Variants in CACNB4 observed in about 807,000 individuals in gnomAD.
The protein encoded by CACNB4 is voltage-dependent L-type calcium channel subunit beta-4.
Under a neutral mutation model 71.2 loss-of-function variants are expected in CACNB4, and 32 were observed. The observed-to-expected ratio is 0.45, with a 90% CI of 0.34 to 0.60. The LOEUF is 0.60. Ranked by LOEUF, CACNB4 falls within the 20% of genes least tolerant of loss-of-function variation. CACNB4 has a pLI of 0.01. For missense variants in CACNB4, 464 were observed against 647.9 expected (o/e 0.72, Z 3.08); for synonymous variants, 231 against 236.9 (o/e 0.97, Z 0.23).
At chr2:152,007,527 T>C (rs761647503) in intron 2 of CACNB4, among the ~76,000 whole-genome samples, 14 of 152,252 alleles carry the variant, frequency 9.2e-5, no homozygotes, top group Non-Finnish European at 1.5e-4. Flanking sequence ...GGTTCACCTA[T>C]GTTGCAGCAC....
At chr2:151,963,204 T>C (rs1307549455) in intron 2 of CACNB4, among the ~76,000 whole-genome samples, 4 of 147,894 alleles carry the variant, frequency 2.7e-5, no homozygotes, top group Non-Finnish European at 5.9e-5. Context: ...CCCAGCTACA[T>C]GGGAGGCTGA....
At chr2:151,992,221 T>C (rs965484094) in intron 2 of CACNB4, among the ~76,000 whole-genome samples, 1 of 152,200 alleles carries the variant, frequency 6.6e-6, no homozygotes. Context: ...CAGCTGCAGC[T>C]GAAGTCTACA....
In CACNB4 at chr2:151,910,601, T is replaced by C. The variant is rs141485303; in HGVS notation, c.148-27231A>G. 5.1e-3 allele frequency among the ~76,000 whole-genome samples: 782 copies of C among 152,306 alleles called. 6 individuals are homozygous for C. The highest frequency in any genetic ancestry group is 8.4e-3 in the Non-Finnish European group (574 of 68,014). ...TTGTTTTTGTCAGGTTTGTTGAAGA[T>C]CAGATGGTTGTAGATGTGTGGTGTT... On this transcript the variant is annotated intron_variant, in intron 2 of 13. Coordinates refer to ENST00000539935, the MANE Select transcript of CACNB4 (RefSeq NM_000726.5).
Position 151,898,811 on chromosome 2 carries a change from CA to C in CACNB4, c.148-15442del, listed in dbSNP as rs2099852697. 2.0e-5 allele frequency among the ~76,000 whole-genome samples: 3 copies of C among 152,190 alleles called. No homozygotes were observed. The South Asian group carries it at 6.2e-4, about 32-fold the overall frequency. On this transcript the variant is annotated intron_variant, in intron 2 of 13. Coordinates refer to ENST00000539935, the MANE Select transcript of CACNB4 (RefSeq NM_000726.5). ...AATGGCTGGATTTGAAATAAATTAA[CA>C]AATGTTTGAGTAACATAGACCTATA...
chr2:152,077,927 A>G (rs1687132434), intron 2 of CACNB4, among the ~76,000 whole-genome samples: 1 of 152,116 alleles, frequency 6.6e-6, no homozygotes, highest in Admixed American at 6.6e-5. Context: ...GCCTGATCTG[A>G]TTTCCTTTTT....
Position 152,021,262 on chromosome 2 carries a change from T to A in CACNB4, c.147+77068A>T, listed in dbSNP as rs186929964. Among the ~76,000 whole-genome samples the A allele has an allele frequency of 3.3e-5, 5 of 152,194 alleles. No individual in the cohort carries two copies. The East Asian group carries it at 9.6e-4, about 29-fold the overall frequency. ...CTCCATCTCAAAATAAATAAATACA[T>A]AACTCTGAAACATTAAAACAATTTT... is the stretch of plus-strand genomic sequence containing the variant. On this transcript the variant is annotated intron_variant, in intron 2 of 13. Transcript: ENST00000539935.
At chr2:152,087,191 G>A (rs1687707192) in intron 2 of CACNB4, among the ~76,000 whole-genome samples, 1 of 151,674 alleles carries the variant, frequency 6.6e-6, no homozygotes, top group African/African-American at 2.4e-5. Flanking sequence ...CCAGCACTTC[G>A]GGAGGCCAAG....
At chr2:152,041,907 G>A (rs1435059096) in intron 2 of CACNB4, among the ~76,000 whole-genome samples, 5 of 152,160 alleles carry the variant, frequency 3.3e-5, no homozygotes, top group African/African-American at 1.2e-4. Context: ...CCCAAACAGG[G>A]CAGAGCCTCT....
chr2:152,075,653 T>C (rs1364502224), intron 2 of CACNB4, among the ~76,000 whole-genome samples: 1 of 152,160 alleles, frequency 6.6e-6, no homozygotes, highest in Admixed American at 6.5e-5. Context: ...AGCTGAGCCA[T>C]ACACCCCTCA....
At position 152,073,155 on chromosome 2, in the gene CACNB4, G is replaced by C. The variant is rs568500789; in HGVS notation, c.147+25175C>G. Among the ~76,000 whole-genome samples, 31 of 152,264 alleles carry C rather than the reference G, an allele frequency of 2.0e-4. No individual in the cohort carries two copies. In the South Asian group the frequency reaches 6.4e-3, roughly 32 times the overall value. On this transcript the variant is annotated intron_variant, in intron 2 of 13. Transcript: ENST00000539935. ...AATATATCACAAATGGCATCAGGAAGAAATCTATATAGATTTACTTGTGCA... is the reference window on the plus strand; with the variant it reads ...AATATATCACAAATGGCATCAGGAACAAATCTATATAGATTTACTTGTGCA...
At chr2:152,030,720 A>C (rs908034261) in intron 2 of CACNB4, among the ~76,000 whole-genome samples, 1 of 152,204 alleles carries the variant, frequency 6.6e-6, no homozygotes, top group African/African-American at 2.4e-5. Flanking sequence ...TCCCTGCAAT[A>C]GTTTGCTGAG....
At chr2:151,912,265 T>C (rs1471731510) in intron 2 of CACNB4, among the ~76,000 whole-genome samples, 2 of 152,222 alleles carry the variant, frequency 1.3e-5, no homozygotes, top group Non-Finnish European at 2.9e-5. Context: ...TGTTAGGGTG[T>C]TGATGTGAGA....
intron 2 of CACNB4, among the ~76,000 whole-genome samples, chr2:151,884,343 G>A (rs2099848764): frequency 6.7e-6 from 1 of 149,482 alleles, no homozygotes; most frequent in African/African-American, 2.5e-5. Flanking sequence ...ATTAAAAAAG[G>A]CCAGGCGCAG....
intron 2 of CACNB4, among the ~76,000 whole-genome samples, chr2:151,957,275 T>TGTGTGTGTGG: frequency 6.6e-6 from 1 of 150,954 alleles, no homozygotes; most frequent in African/African-American, 2.4e-5. Context: ...TGTGTGTGTG[T>TGTGTGTGTGG]GTGTGTGTGT....
chr2:151,922,593 T>G (rs1460365636), intron 2 of CACNB4, among the ~76,000 whole-genome samples: 1 of 152,236 alleles, frequency 6.6e-6, no homozygotes, highest in Non-Finnish European at 1.5e-5. Context: ...GCAGCCATTG[T>G]TCTGCCCAGC....
Position 152,075,882 on chromosome 2 carries a change from C to T in CACNB4, c.147+22448G>A, listed in dbSNP as rs577615874. 3.9e-5 allele frequency among the ~76,000 whole-genome samples: 6 copies of T among 152,238 alleles called. No individual in the cohort carries two copies. In the South Asian group the frequency reaches 6.2e-4, roughly 16 times the overall value. ...GCTGCCCACAGTCTCCCTGGATGCT[C>T]TCTATTAGGGTGGAAACTGTCCTGA... On this transcript the variant is annotated intron_variant, in intron 2 of 13. Transcript: ENST00000539935.
chr2:151,877,786 AT>A (rs2099846830), intron 4 of CACNB4, among the ~76,000 whole-genome samples: 1 of 152,234 alleles, frequency 6.6e-6, no homozygotes, highest in Non-Finnish European at 1.5e-5. Flanking sequence ...CAGAATTTCC[AT>A]TTAAGTTAAG....
At chr2:151,949,506 CAT>C (rs1337821656) in intron 2 of CACNB4, among the ~76,000 whole-genome samples, 1 of 151,986 alleles carries the variant, frequency 6.6e-6, no homozygotes, top group African/African-American at 2.4e-5. Context: ...AAAGAAGACA[CAT>C]ATGCAAAGGC....
At chr2:151,881,801 T>C (rs1261396851) in intron 3 of CACNB4, among the ~76,000 whole-genome samples, 1 of 151,906 alleles carries the variant, frequency 6.6e-6, no homozygotes, top group African/African-American at 2.4e-5. Flanking sequence ...AAAAGCCCCT[T>C]CCACCAACAG....
Sources: allele counts gnomAD v4.1 joint callset (sites outside exome capture counted in the v4.1 genomes callset), GRCh38; gene constraint gnomAD v4.1.1; transcripts MANE v1.5; gene names NCBI Gene and HGNC (gene_info 2026-07-23, HGNC 2026-07-21).